Variants in GNB1 observed in about 807,000 individuals in gnomAD.
GNB1 encodes G protein subunit beta 1, also known as guanine nucleotide-binding protein G(I)/G(S)/G(T) subunit beta-1.
In GNB1, 2 loss-of-function variants were observed where a neutral mutation model predicts 42.9. That is an observed-to-expected ratio of 0.05 (90% CI 0.02 to 0.15). GNB1 has a LOEUF of 0.15. Among genes scored for constraint, GNB1 ranks in the 10% least tolerant of loss-of-function variants. The probability of loss-of-function intolerance (pLI) is 1.00; values close to 1 mark genes in which losing one functional copy is unlikely to be tolerated. For missense variants in GNB1, 193 were observed against 462.2 expected (o/e 0.42, Z 5.34); for synonymous variants, 183 against 174.7 (o/e 1.05, Z -0.38).
At chr1:1,815,120 A>G (rs574164029) in intron 5 of GNB1, among the ~76,000 whole-genome samples, 4 of 152,072 alleles carry the variant, frequency 2.6e-5, no homozygotes, top group Non-Finnish European at 4.4e-5. Flanking sequence ...TTTAAAAAAA[A>G]AAAAAAAAAG....
intron 2 of GNB1, among the ~76,000 whole-genome samples, chr1:1,826,125 C>CT: frequency 6.6e-6 from 1 of 152,156 alleles, no homozygotes; most frequent in East Asian, 1.9e-4. Flanking sequence ...GAACATAAGA[C>CT]TGACATTTAG....
At chr1:1,842,130 C>A (rs1647263527) in intron 1 of GNB1, among the ~76,000 whole-genome samples, 1 of 152,084 alleles carries the variant, frequency 6.6e-6, no homozygotes, top group Non-Finnish European at 1.5e-5. Context: ...CACCTCGTCT[C>A]TATTAAAAAT....
At chr1:1,817,603 A>G in intron 4 of GNB1, 1 of 399,204 alleles carries the variant, frequency 2.5e-6, no homozygotes, top group East Asian at 3.6e-5. Flanking sequence ...TACAACTATT[A>G]CCCTCTGTAA....
intron 4 of GNB1, 150 bp downstream of exon 4, chr1:1,817,687 C>A (rs1244118755): frequency 1.8e-6 from 1 of 562,108 alleles, no homozygotes. Flanking sequence ...CTATGCCTAC[C>A]ATCAGAATGA....
chr1:1,843,868 T>C (rs1251907084), intron 1 of GNB1, among the ~76,000 whole-genome samples: 1 of 151,998 alleles, frequency 6.6e-6, no homozygotes, highest in Admixed American at 6.6e-5. Context: ...GAGACCAGCC[T>C]GGCCAACATG....
At chr1:1,834,006 AGTCTGTC>A (rs1647111851) in intron 2 of GNB1, among the ~76,000 whole-genome samples, 1 of 152,188 alleles carries the variant, frequency 6.6e-6, no homozygotes, top group Non-Finnish European at 1.5e-5. Context: ...CAGGTCGGTT[AGTCTGTC>A]TTTAACAAAT....
intron 7 of GNB1, among the ~76,000 whole-genome samples, chr1:1,802,255 G>A (rs553905017): frequency 6.6e-6 from 1 of 152,150 alleles, no homozygotes; most frequent in South Asian, 2.1e-4. Flanking sequence ...TGTGCACACA[G>A]CGCGGCCACC....
intron 1 of GNB1, among the ~76,000 whole-genome samples, chr1:1,860,350 G>C (rs1268730672): frequency 6.6e-6 from 1 of 151,946 alleles, no homozygotes; most frequent in East Asian, 1.9e-4. Context: ...CCTGGGTGAT[G>C]GGATTACTCA....
chr1:1,816,643 TC>T (rs1264831566), intron 4 of GNB1, among the ~76,000 whole-genome samples: 8 of 134,612 alleles, frequency 5.9e-5, no homozygotes, highest in African/African-American at 2.0e-4. Flanking sequence ...ATTTTTATTA[TC>T]TTTTTTTTTT....
At chr1:1,828,378 C>T (rs1180489772) in intron 2 of GNB1, among the ~76,000 whole-genome samples, 1 of 151,848 alleles carries the variant, frequency 6.6e-6, no homozygotes. Flanking sequence ...GTGTAAAGGC[C>T]CAAATTCCAT....
chr1:1,860,640 C>CAA (rs1367327181), intron 1 of GNB1, among the ~76,000 whole-genome samples: 4 of 72,858 alleles, frequency 5.5e-5, no homozygotes, highest in Admixed American at 2.9e-4. Context: ...CCATCTCCAA[C>CAA]AAAAAAAAAA....
chr1:1,860,720 A>G (rs1648576286), intron 1 of GNB1, among the ~76,000 whole-genome samples: 1 of 151,506 alleles, frequency 6.6e-6, no homozygotes, highest in East Asian at 1.9e-4. Flanking sequence ...CTCAAAAAAA[A>G]AGAGGGAGGA....
intron 1 of GNB1, among the ~76,000 whole-genome samples, chr1:1,842,178 C>T (rs1405773537): frequency 2.6e-5 from 4 of 152,218 alleles, no homozygotes; most frequent in South Asian, 2.1e-4. Context: ...CGCCTGTAAT[C>T]CCAGCACTCT....
intron 7 of GNB1, among the ~76,000 whole-genome samples, chr1:1,804,096 A>T (rs1478500258): frequency 2.0e-5 from 3 of 150,654 alleles, no homozygotes; most frequent in Non-Finnish European, 4.4e-5. Flanking sequence ...GATCGAGACC[A>T]TCCTGGCTAA....
intron 1 of GNB1, among the ~76,000 whole-genome samples, chr1:1,886,009 TA>T (rs1356715251): frequency 1.3e-5 from 2 of 150,894 alleles, no homozygotes; most frequent in East Asian, 4.0e-4. Flanking sequence ...CTAAAAGGTT[TA>T]AAAAAGCTTT....
At chr1:1,819,937 G>A (rs759634645) in intron 3 of GNB1, among the ~76,000 whole-genome samples, 1 of 152,222 alleles carries the variant, frequency 6.6e-6, no homozygotes, top group Non-Finnish European at 1.5e-5. Context: ...ACAGGCGTGC[G>A]TCCAAGTGCC....
chr1:1,868,733 T>C (rs1178754965), intron 1 of GNB1, among the ~76,000 whole-genome samples: 1 of 151,618 alleles, frequency 6.6e-6, no homozygotes, highest in African/African-American at 2.4e-5. Flanking sequence ...TGAGCCGAGA[T>C]TGTGCAACTG....
intron 1 of GNB1, among the ~76,000 whole-genome samples, chr1:1,883,026 C>G (rs1186934904): frequency 6.6e-6 from 1 of 151,720 alleles, no homozygotes; most frequent in Non-Finnish European, 1.5e-5. Context: ...TACTGTGGCT[C>G]ACATCTATAA....
intron 7 of GNB1, among the ~76,000 whole-genome samples, chr1:1,801,508 T>C (rs907438069): frequency 6.6e-6 from 1 of 152,158 alleles, no homozygotes; most frequent in Non-Finnish European, 1.5e-5. Context: ...GTTCCTTACG[T>C]TTCCTATCAA....
Sources: allele counts gnomAD v4.1 joint callset (sites outside exome capture counted in the v4.1 genomes callset), GRCh38; gene constraint gnomAD v4.1.1; transcripts MANE v1.5; gene names NCBI Gene and HGNC (gene_info 2026-07-23, HGNC 2026-07-21).